NBAS: variants seen among roughly 807,000 people sequenced by gnomAD.
NBAS encodes NBAS subunit of NRZ tethering complex.
In NBAS, 219 loss-of-function variants were observed where a neutral mutation model predicts 302.5. The observed-to-expected ratio is 0.72, with a 90% CI of 0.65 to 0.81. The LOEUF is 0.81. Among genes scored for constraint, NBAS ranks in the 30% least tolerant of loss-of-function variants. NBAS has a pLI of 0.00. For synonymous variants in NBAS, 1,118 were observed against 1,021.6 expected, an observed-to-expected ratio of 1.09 and a Z score of -1.80; for missense variants, 2,932 against 2,841.6, an observed-to-expected ratio of 1.03 and a Z score of -0.72.
intron 33 of NBAS, among the ~76,000 whole-genome samples, chr2:15,354,768 T>C (rs963466530): frequency 4.6e-5 from 7 of 152,206 alleles, no homozygotes; most frequent in African/African-American, 1.7e-4. Context: ...CCCCCAGCCT[T>C]GCTAGGCTGC....
the NBAS span, among the ~76,000 whole-genome samples, chr2:14,800,454 C>T: frequency 2.5e-4 from 38 of 152,310 alleles, no homozygotes; most frequent in Admixed American, 1.4e-3. Context: ...CCAATACACC[C>T]TTTTCCCTGT....
the NBAS span, among the ~76,000 whole-genome samples, chr2:14,974,015 AG>A: frequency 6.6e-6 from 1 of 152,234 alleles, no homozygotes. Flanking sequence ...ACTCTCGCCA[AG>A]AATATTTCTC....
chr2:15,199,233 G>A (rs1477712603), intron 48 of NBAS, among the ~76,000 whole-genome samples: 1 of 151,412 alleles, frequency 6.6e-6, no homozygotes, highest in African/African-American at 2.4e-5. Context: ...AGGAAATATT[G>A]CCCTAAGATC....
intron 47 of NBAS, among the ~76,000 whole-genome samples, chr2:15,219,400 C>T (rs1405550539): frequency 5.0e-5 from 7 of 139,204 alleles, no homozygotes; most frequent in East Asian, 2.1e-4. Flanking sequence ...CATAGGACAA[C>T]AGTGGAGGGA....
the NBAS span, among the ~76,000 whole-genome samples, chr2:15,092,528 C>A: frequency 3.3e-5 from 5 of 152,118 alleles, no homozygotes; most frequent in Admixed American, 1.3e-4. Context: ...CTCCTCCCCC[C>A]ACCCCCAACT....
chr2:15,181,749 T>C (rs1237546537), intron 50 of NBAS, among the ~76,000 whole-genome samples: 1 of 152,216 alleles, frequency 6.6e-6, no homozygotes, highest in East Asian at 1.9e-4. Context: ...TCCCATTGTC[T>C]GACAGTCATG....
At chr2:15,147,462 G>A in the NBAS span, among the ~76,000 whole-genome samples, 53 of 152,054 alleles carry the variant, frequency 3.5e-4, no homozygotes, top group Admixed American at 8.5e-4. Flanking sequence ...GTGTGCTGGC[G>A]CATGCCTGTA....
At chr2:14,991,530 T>C in the NBAS span, among the ~76,000 whole-genome samples, 5 of 152,202 alleles carry the variant, frequency 3.3e-5, no homozygotes, top group African/African-American at 1.2e-4. Flanking sequence ...ACCATGGTTC[T>C]CAAACTTTGA....
At chr2:15,205,783 C>G (rs1382985889) in intron 48 of NBAS, among the ~76,000 whole-genome samples, 2 of 152,128 alleles carry the variant, frequency 1.3e-5, no homozygotes, top group African/African-American at 4.8e-5. Flanking sequence ...ACCTTCCACC[C>G]CCTCTCTCTC....
intron 44 of NBAS, among the ~76,000 whole-genome samples, chr2:15,255,633 T>A (rs1645201447): frequency 6.6e-6 from 1 of 152,214 alleles, no homozygotes; most frequent in South Asian, 2.1e-4. Context: ...TAATCCAATG[T>A]CTAGAAGAGT....
chr2:15,150,013 T>G, the NBAS span, among the ~76,000 whole-genome samples: 1 of 146,490 alleles, frequency 6.8e-6, no homozygotes, highest in African/African-American at 2.6e-5. Context: ...AAGTTGAGGC[T>G]GTAGTGAGCC....
At chr2:15,086,784 C>A in the NBAS span, among the ~76,000 whole-genome samples, 1 of 152,186 alleles carries the variant, frequency 6.6e-6, no homozygotes, top group Admixed American at 6.5e-5. Context: ...AAAAGTGACA[C>A]CCCAAAGATC....
At chr2:15,544,242 T>C (rs560942620) in intron 6 of NBAS, among the ~76,000 whole-genome samples, 1 of 152,224 alleles carries the variant, frequency 6.6e-6, no homozygotes, top group East Asian at 1.9e-4. Flanking sequence ...GCCAAATATG[T>C]AAATGTTAAT....
the NBAS span, among the ~76,000 whole-genome samples, chr2:15,148,326 G>C: frequency 6.6e-6 from 1 of 152,176 alleles, no homozygotes; most frequent in Non-Finnish European, 1.5e-5. Context: ...AGGGGAGAAA[G>C]AGAGTTATCA....
intron 35 of NBAS, among the ~76,000 whole-genome samples, chr2:15,348,354 G>C (rs1230389054): frequency 7.2e-5 from 11 of 152,110 alleles, no homozygotes; most frequent in Admixed American, 7.2e-4. Context: ...AACTTGTAGA[G>C]GACTACCAGT....
intron 40 of NBAS, among the ~76,000 whole-genome samples, chr2:15,295,806 C>T (rs537984650): frequency 6.6e-6 from 1 of 152,100 alleles, no homozygotes; most frequent in Non-Finnish European, 1.5e-5. Context: ...GTCTGTAGTA[C>T]TGGTTGATAT....
chr2:15,094,256 T>C, the NBAS span, among the ~76,000 whole-genome samples: 1 of 152,226 alleles, frequency 6.6e-6, no homozygotes, highest in African/African-American at 2.4e-5. Flanking sequence ...TTTCCCTCTC[T>C]AGTAATCAAA....
the NBAS span, among the ~76,000 whole-genome samples, chr2:14,798,848 A>C: frequency 2.0e-5 from 3 of 152,106 alleles, no homozygotes; most frequent in East Asian, 3.9e-4. Context: ...GGTTAAATTT[A>C]TTGGCATAAA....
At chr2:15,539,091 G>C (rs1016484913) in intron 7 of NBAS, 132 bp downstream of exon 7, 5 of 1,198,956 alleles carry the variant, frequency 4.2e-6, no homozygotes, top group East Asian at 2.5e-5. Flanking sequence ...CTAGATTCTG[G>C]GCGTCTTAAG....
Sources: gnomAD v4.1 joint callset for allele counts (sites outside exome capture counted in the v4.1 genomes callset) on GRCh38, gnomAD v4.1.1 for gene constraint, MANE v1.5 for transcripts, NCBI Gene and HGNC (gene_info 2026-07-23, HGNC 2026-07-21) for gene names.